The following UBN2 variants were observed in gnomAD, a reference collection of about 807,000 sequenced individuals.
UBN2 encodes ubinuclein-2.
Under a neutral mutation model 120.2 loss-of-function variants are expected in UBN2, and 35 were observed. The ratio of observed to expected loss-of-function variants is 0.29; its 90% confidence interval spans 0.22 to 0.39. The LOEUF is 0.39. Ranked by LOEUF, UBN2 falls within the 10% of genes least tolerant of loss-of-function variation. UBN2 has a pLI of 1.00. For synonymous variants in UBN2, 661 were observed against 648.7 expected, an observed-to-expected ratio of 1.02 and a Z score of -0.29; for missense variants, 1,693 against 1,663.2, an observed-to-expected ratio of 1.02 and a Z score of -0.31.
chr7:139,267,421 G>A (rs1021853624), intron 7 of UBN2, among the ~76,000 whole-genome samples: 13 of 151,664 alleles, frequency 8.6e-5, no homozygotes, highest in African/African-American at 2.9e-4. Flanking sequence ...CTATCATGTC[G>A]GCTACTCAGG....
intron 9 of UBN2, 40 bp downstream of exon 9, chr7:139,272,480 G>A (rs764710520): frequency 7.0e-7 from 1 of 1,437,472 alleles, no homozygotes; most frequent in Non-Finnish European, 9.7e-7. Context: ...TTGCATTTGA[G>A]AAGTGTATGT....
chr7:139,281,389 A>T (rs1012884809), intron 13 of UBN2, among the ~76,000 whole-genome samples: 3 of 152,218 alleles, frequency 2.0e-5, no homozygotes, highest in Non-Finnish European at 2.9e-5. Context: ...TAAGGAGGAA[A>T]GTAAAAGTAT....
chr7:139,241,344 A>G (rs762179244), intron 2 of UBN2, among the ~76,000 whole-genome samples: 18 of 152,238 alleles, frequency 1.2e-4, no homozygotes, highest in Non-Finnish European at 2.6e-4. Context: ...GCAGGGGCTC[A>G]GTTAAGACTC....
chr7:139,246,220 C>T lies in UBN2; in HGVS notation c.562-5736C>T, dbSNP rs532698426. ...CCTCTACTAAAAATACAAAAATTAG[C>T]TGGGTGTGGTAGTGCGCACCTGCAG... On this transcript the variant is annotated intron_variant, in intron 2 of 17. Transcript: ENST00000473989. Among the ~76,000 whole-genome samples, 3 of 152,214 alleles carry T rather than the reference C, an allele frequency of 2.0e-5. No homozygotes were observed. The East Asian group carries it at 5.8e-4, about 29-fold the overall frequency.
rs978248980 is a variant in UBN2, at chr7:139,286,624, A to G, written c.3669+2050A>G. On this transcript the variant is annotated intron_variant, in intron 15 of 17. Coordinates refer to ENST00000473989, the MANE Select transcript of UBN2 (RefSeq NM_173569.4). ...TTTTCAACAAAATGTGTTTTGTATAATATTTCGTTTTATAACCGGCAAAAA... is the reference window on the plus strand; with the variant it reads ...TTTTCAACAAAATGTGTTTTGTATAGTATTTCGTTTTATAACCGGCAAAAA... Among the ~76,000 whole-genome samples, 4 of 152,154 alleles carry G rather than the reference A, an allele frequency of 2.6e-5. No homozygotes were observed. In the East Asian group the frequency reaches 5.8e-4, roughly 22 times the overall value.
In UBN2 at chr7:139,259,312, C is replaced by T. The variant is rs759993602; in HGVS notation, c.847C>T (p.Arg283Trp). Residue 283 changes from arginine (R) to tryptophan (W), a missense_variant, in exon 5 of 18, where the codon CGG (arginine) becomes TGG (tryptophan). By Grantham distance (101) the Arg-to-Trp change is moderately radical. Coordinates refer to ENST00000473989, the MANE Select transcript of UBN2 (RefSeq NM_173569.4). ...EDDIEMKKRK[R>W]KEEGEKEKKP... ...TGATATTGAGATGAAGAAGCGGAAG[C>T]GGAAAGAGGAAGGGGAAAAGGAGAA... The T allele has an allele frequency of 1.4e-5, 23 of 1,613,030 alleles. No individual in the cohort carries two copies. The Admixed American group carries it at 3.3e-4, about 23-fold the overall frequency.
intron 3 of UBN2, among the ~76,000 whole-genome samples, chr7:139,257,341 T>C (rs961411054): frequency 6.6e-6 from 1 of 152,204 alleles, no homozygotes; most frequent in Admixed American, 6.5e-5. Context: ...GCAGTTGTTT[T>C]TCTATGCTAT....
intron 12 of UBN2, among the ~76,000 whole-genome samples, chr7:139,278,283 G>C (rs1383361785): frequency 6.6e-6 from 1 of 151,530 alleles, no homozygotes; most frequent in East Asian, 1.9e-4. Flanking sequence ...CCAGGTTCAG[G>C]CAATTCTCCT....
chr7:139,272,336 A>G lies in UBN2; in HGVS notation c.1611A>G (p.Arg537=). 1 of 1,610,714 alleles carries G rather than the reference A, an allele frequency of 6.2e-7. No individual in the cohort carries two copies. Among genetic ancestry groups the G allele is most frequent in the Non-Finnish European group, 8.5e-7 (1 of 1,178,508 alleles). ...TTTCTTTTTAGGATGATCGTTTAAG[A>G]GAACCTCTGCAAAAACTGAAACTGG... ...LHLNVQDDRL[R]EPLQKLKLAV... Residue 537 remains arginine (R), a synonymous_variant, in exon 9 of 18, where the codon AGA becomes AGG. Coordinates refer to ENST00000473989, the MANE Select transcript of UBN2 (RefSeq NM_173569.4).
chr7:139,267,525 G>T lies in UBN2; in HGVS notation c.1466+1122G>T, dbSNP rs1420548676. ...TACCCCAACCTGGGTGATAGGGTGA[G>T]ACTCTGTCTCCAAAAAAAAAAAAAG... On this transcript the variant is annotated intron_variant, in intron 7 of 17. Transcript: ENST00000473989. Among the ~76,000 whole-genome samples, 2 of 147,444 alleles carry T rather than the reference G, an allele frequency of 1.4e-5. 1 individual carries two copies. The highest frequency in any genetic ancestry group is 3.0e-5 in the Non-Finnish European group (2 of 67,384).
At chr7:139,326,354 C>T in the UBN2 span, among the ~76,000 whole-genome samples, 1 of 152,198 alleles carries the variant, frequency 6.6e-6, no homozygotes, top group Non-Finnish European at 1.5e-5. Flanking sequence ...CAGAACCCTC[C>T]TATCATTTGC....
intron 16 of UBN2, 180 bp from the exon 17 acceptor site, chr7:139,293,704 AGTTGT>A: frequency 4.6e-6 from 3 of 648,678 alleles, no homozygotes; most frequent in East Asian, 2.7e-5. Context: ...AGAGGAAGTC[AGTTGT>A]GTTGGGTTAT....
chr7:139,281,148 A>G (rs1797596463), intron 13 of UBN2, among the ~76,000 whole-genome samples: 1 of 152,214 alleles, frequency 6.6e-6, no homozygotes, highest in South Asian at 2.1e-4. Flanking sequence ...GAATAATAGG[A>G]TAGGAAATTT....
chr7:139,314,960 T>TATA, the UBN2 span, among the ~76,000 whole-genome samples: 33 of 150,570 alleles, frequency 2.2e-4, no homozygotes, highest in East Asian at 3.7e-3. Flanking sequence ...ATCTTTTTGA[T>TATA]ATAATAATAA....
intron 15 of UBN2, among the ~76,000 whole-genome samples, chr7:139,290,892 T>G (rs1357498147): frequency 6.6e-6 from 1 of 152,168 alleles, no homozygotes; most frequent in Non-Finnish European, 1.5e-5. Flanking sequence ...AAAGATTGTC[T>G]GCATTTTTCT....
At chr7:139,295,683 G>A (rs748848901) in intron 17 of UBN2, among the ~76,000 whole-genome samples, 5 of 152,202 alleles carry the variant, frequency 3.3e-5, no homozygotes, top group Middle Eastern at 3.2e-3. Context: ...ATTTTGGGAG[G>A]CCAAGGCAGG....
At chr7:139,280,119 T>C (rs147093473) in intron 13 of UBN2, among the ~76,000 whole-genome samples, 240 of 152,308 alleles carry the variant, frequency 1.6e-3, no homozygotes, top group Middle Eastern at 6.8e-3. Flanking sequence ...ACGTGCCCTC[T>C]TCAGAGGCCT....
At chr7:139,237,619 G>C (rs1796200804) in intron 2 of UBN2, among the ~76,000 whole-genome samples, 1 of 152,042 alleles carries the variant, frequency 6.6e-6, no homozygotes, top group Admixed American at 6.6e-5. Context: ...TCCAATCTTT[G>C]TAACAAAACC....
intron 17 of UBN2, among the ~76,000 whole-genome samples, chr7:139,295,569 G>C (rs974197362): frequency 1.3e-5 from 2 of 152,152 alleles, no homozygotes; most frequent in Admixed American, 1.3e-4. Flanking sequence ...CTGCTATTCC[G>C]AGGGGAGAAA....
Sources: gnomAD v4.1 joint callset for allele counts (sites outside exome capture counted in the v4.1 genomes callset) on GRCh38, gnomAD v4.1.1 for gene constraint, MANE v1.5 for transcripts, NCBI Gene and HGNC (gene_info 2026-07-23, HGNC 2026-07-21) for gene names.